AUTS2: variants seen among roughly 807,000 people sequenced by gnomAD.
The protein encoded by AUTS2 is activator of transcription and developmental regulator AUTS2, also known as autism susceptibility gene 2 protein.
Under a neutral mutation model 112.4 loss-of-function variants are expected in AUTS2, and 17 were observed. The observed-to-expected ratio is 0.15, with a 90% CI of 0.10 to 0.23. The LOEUF is 0.23. Among genes scored for constraint, AUTS2 ranks in the 10% least tolerant of loss-of-function variants. The pLI, the probability that AUTS2 is intolerant of heterozygous loss-of-function variation, is 1.00. For missense variants in AUTS2, 1,510 were observed against 1,701.6 expected, an observed-to-expected ratio of 0.89 and a Z score of 1.98; for synonymous variants, 751 against 702.7, an observed-to-expected ratio of 1.07 and a Z score of -1.09.
chr7:70,282,669 T>G (rs1224805248), intron 4 of AUTS2, among the ~76,000 whole-genome samples: 1 of 152,134 alleles, frequency 6.6e-6, no homozygotes, highest in African/African-American at 2.4e-5. Context: ...GACATAAACA[T>G]TCAGACCACA....
intron 1 of AUTS2, among the ~76,000 whole-genome samples, chr7:69,848,145 G>T (rs1032028345): frequency 6.6e-6 from 1 of 152,142 alleles, no homozygotes; most frequent in African/African-American, 2.4e-5. Context: ...ACCCTCATAG[G>T]AATAGGGACC....
chr7:69,750,009 G>A (rs1020727240), intron 1 of AUTS2, among the ~76,000 whole-genome samples: 1 of 152,180 alleles, frequency 6.6e-6, no homozygotes, highest in Non-Finnish European at 1.5e-5. Context: ...CCCTGGGGAT[G>A]AGGAAAAGTT....
At chr7:69,858,417 T>C (rs1792830608) in intron 1 of AUTS2, among the ~76,000 whole-genome samples, 1 of 152,192 alleles carries the variant, frequency 6.6e-6, no homozygotes. Flanking sequence ...TCACCTACCC[T>C]GGCTGCTGAG....
At position 70,681,205 on chromosome 7, in the gene AUTS2, G is replaced by A. The variant is rs542968067; in HGVS notation, c.691-17364G>A. On this transcript the variant is annotated intron_variant, in intron 5 of 18. Coordinates refer to ENST00000342771, the MANE Select transcript of AUTS2 (RefSeq NM_015570.4). Reference sequence around the variant, plus strand: ...TGGCGGATGTTAAGTTGACATCCGTGCCCCAGTTCAGGAGCAGATGGCTCT... The same window carrying A: ...TGGCGGATGTTAAGTTGACATCCGTACCCCAGTTCAGGAGCAGATGGCTCT... Among the ~76,000 whole-genome samples, 3 of 152,316 alleles carry A rather than the reference G, an allele frequency of 2.0e-5. 1 individual carries two copies. Among genetic ancestry groups the A allele is most frequent in the Middle Eastern group, 6.8e-3 (2 of 294 alleles).
intron 4 of AUTS2, among the ~76,000 whole-genome samples, chr7:70,323,594 C>G (rs951518810): frequency 6.6e-6 from 1 of 152,150 alleles, no homozygotes; most frequent in African/African-American, 2.4e-5. Flanking sequence ...ACTGAATAAT[C>G]ACTTCTGTTG....
In AUTS2 at chr7:70,141,262, T is replaced by C. The variant is rs372729659; in HGVS notation, c.660+6691T>C. Among the ~76,000 whole-genome samples, 25 of 152,214 alleles carry C rather than the reference T, an allele frequency of 1.6e-4. No individual in the cohort carries two copies. In the East Asian group the frequency reaches 4.1e-3, roughly 25 times the overall value. On this transcript the variant is annotated intron_variant, in intron 4 of 18. Transcript: ENST00000342771. ...GGGAATGTTGGTTGATTACAGGGAA[T>C]GTGGGATAAAGCCAGGGAGGTAGTC...
intron 5 of AUTS2, among the ~76,000 whole-genome samples, chr7:70,681,217 G>A (rs904231040): frequency 6.6e-6 from 1 of 152,188 alleles, no homozygotes; most frequent in Non-Finnish European, 1.5e-5. Flanking sequence ...CCCAGTTCAG[G>A]AGCAGATGGC....
intron 5 of AUTS2, chr7:70,437,531 G>C (rs1326923886): frequency 2.6e-5 from 4 of 152,204 alleles, no homozygotes; most frequent in Non-Finnish European, 4.4e-5. Context: ...CAACCAAGCT[G>C]ACATTCTTTC....
Position 70,390,482 on chromosome 7 carries a change from A to T in AUTS2, c.661-45270A>T, listed in dbSNP as rs764379030. On this transcript the variant is annotated intron_variant, in intron 4 of 18. Transcript: ENST00000342771. ...ATCTGTGGCCAAGTCCCTGGGCCTC[A>T]AGAGTAGTGACTCCTGCACTATGTG... Among the ~76,000 whole-genome samples, 42 of 152,166 alleles carry T rather than the reference A, an allele frequency of 2.8e-4. 1 individual carries two copies. Among genetic ancestry groups the T allele is most frequent in the Non-Finnish European group, 4.6e-4 (31 of 68,030 alleles).
chr7:70,289,120 A>T (rs563424703), intron 4 of AUTS2, among the ~76,000 whole-genome samples: 3 of 152,328 alleles, frequency 2.0e-5, no homozygotes, highest in African/African-American at 7.2e-5. Flanking sequence ...TTATAGATTG[A>T]AAAGAAGCTT....
At chr7:70,644,707 C>T (rs1806055644) in intron 5 of AUTS2, among the ~76,000 whole-genome samples, 1 of 152,196 alleles carries the variant, frequency 6.6e-6, no homozygotes, top group Admixed American at 6.5e-5. Context: ...TTTCCACCTC[C>T]TCCATGAAGC....
intron 4 of AUTS2, among the ~76,000 whole-genome samples, chr7:70,429,861 C>G (rs781771193): frequency 1.3e-5 from 2 of 152,048 alleles, no homozygotes; most frequent in Non-Finnish European, 2.9e-5. Flanking sequence ...CTCTTCACCA[C>G]AGAAAGCTTA....
intron 12 of AUTS2, 86 bp from the exon 13 acceptor site, chr7:70,775,271 C>T: frequency 9.2e-7 from 1 of 1,089,602 alleles, no homozygotes; most frequent in South Asian, 1.3e-5. Flanking sequence ...TTAATTTCCC[C>T]TCCTAATGAA....
chr7:70,370,483 G>A (rs1267908948), intron 4 of AUTS2, among the ~76,000 whole-genome samples: 2 of 152,066 alleles, frequency 1.3e-5, no homozygotes, highest in African/African-American at 2.4e-5. Context: ...GGTTTTAAAG[G>A]TTTATCCATG....
chr7:70,252,447 ATTTG>A (rs1786652104), intron 4 of AUTS2, among the ~76,000 whole-genome samples: 2 of 151,912 alleles, frequency 1.3e-5, no homozygotes, highest in South Asian at 4.1e-4. Context: ...TGACTGGGTT[ATTTG>A]TTTTATTGCT....
intron 1 of AUTS2, among the ~76,000 whole-genome samples, chr7:69,702,706 C>A (rs576164018): frequency 5.4e-4 from 82 of 152,250 alleles, no homozygotes; most frequent in African/African-American, 1.9e-3. Flanking sequence ...TTTGGGGACT[C>A]CTACCCTAGA....
intron 4 of AUTS2, among the ~76,000 whole-genome samples, chr7:70,279,808 A>G (rs1283992155): frequency 2.0e-5 from 3 of 152,196 alleles, no homozygotes; most frequent in Non-Finnish European, 4.4e-5. Context: ...CTTTTGGATT[A>G]AGTAGGCCAG....
intron 1 of AUTS2, among the ~76,000 whole-genome samples, chr7:69,675,202 T>G (rs1359680009): frequency 6.6e-6 from 1 of 152,224 alleles, no homozygotes; most frequent in Non-Finnish European, 1.5e-5. Context: ...TGTGAGATCC[T>G]GACCTTTTTT....
At chr7:70,691,420 G>GAA (rs5884795) in intron 5 of AUTS2, among the ~76,000 whole-genome samples, 1 of 148,064 alleles carries the variant, frequency 6.8e-6, no homozygotes, top group Non-Finnish European at 1.5e-5. Context: ...ATTTCTCAAG[G>GAA]AAAAAAAAAA....
Sources: gnomAD v4.1 joint callset for allele counts (sites outside exome capture counted in the v4.1 genomes callset) on GRCh38, gnomAD v4.1.1 for gene constraint, MANE v1.5 for transcripts, NCBI Gene and HGNC (gene_info 2026-07-23, HGNC 2026-07-21) for gene names.